Variants in DOCK4 observed in about 807,000 individuals in gnomAD.
The protein encoded by DOCK4 is dedicator of cytokinesis 4.
A neutral mutation model predicts 268.1 loss-of-function variants in DOCK4; 97 were observed. That is an observed-to-expected ratio of 0.36 (90% confidence interval 0.31 to 0.43). DOCK4 has a LOEUF of 0.43. Ranked by LOEUF, DOCK4 falls within the 20% of genes least tolerant of loss-of-function variation. The pLI is 1.00. For synonymous variants in DOCK4, 954 were observed against 887.2 expected (o/e 1.08, Z -1.34); for missense variants, 2,145 against 2,455.7 (o/e 0.87, Z 2.67).
At chr7:112,136,003 C>A (rs1814308863) in intron 1 of DOCK4, among the ~76,000 whole-genome samples, 1 of 152,116 alleles carries the variant, frequency 6.6e-6, no homozygotes, top group South Asian at 2.1e-4. Context: ...CCATCAAGAG[C>A]TAATCAGATT....
chr7:111,870,658 G>A (rs959954190), intron 20 of DOCK4, among the ~76,000 whole-genome samples: 3 of 152,130 alleles, frequency 2.0e-5, no homozygotes, highest in African/African-American at 7.2e-5. Flanking sequence ...ACCCAGCAAT[G>A]TTTCTCTGGG....
At chr7:111,892,708 A>G (rs1439391054) in intron 16 of DOCK4, among the ~76,000 whole-genome samples, 1 of 152,244 alleles carries the variant, frequency 6.6e-6, no homozygotes, top group Non-Finnish European at 1.5e-5. Context: ...CACAATGATC[A>G]GCAGGCTGTG....
intron 16 of DOCK4, 105 bp from the exon 17 acceptor site, chr7:111,877,291 A>T (rs1806979925): frequency 4.0e-6 from 4 of 1,000,368 alleles, no homozygotes. Flanking sequence ...AAACATTCCA[A>T]ACAGTATTAC....
chr7:111,808,262 A>T (rs1800823511), intron 30 of DOCK4: 1 of 152,480 alleles, frequency 6.6e-6, no homozygotes, highest in Non-Finnish European at 1.5e-5. Context: ...ATGCAACCAG[A>T]TCTGTACCAT....
At chr7:111,885,164 G>T (rs1284518904) in intron 16 of DOCK4, among the ~76,000 whole-genome samples, 3 of 152,206 alleles carry the variant, frequency 2.0e-5, no homozygotes, top group African/African-American at 7.2e-5. Flanking sequence ...CAACAGAATA[G>T]TGGTTGGGTG....
At chr7:111,840,116 T>C (rs922050567) in intron 25 of DOCK4, among the ~76,000 whole-genome samples, 8 of 152,226 alleles carry the variant, frequency 5.3e-5, no homozygotes, top group Non-Finnish European at 1.0e-4. Flanking sequence ...ATTTTATGTA[T>C]AGATTGAGTA....
At chr7:112,180,247 G>A (rs1818905385) in intron 1 of DOCK4, among the ~76,000 whole-genome samples, 3 of 152,088 alleles carry the variant, frequency 2.0e-5, no homozygotes, top group East Asian at 1.9e-4. Flanking sequence ...AGAAACCCCC[G>A]GCAGATGCAA....
intron 30 of DOCK4, chr7:111,801,850 G>C (rs73434255): frequency 0.078 from 11,560 of 147,954 alleles, 1,559 homozygotes; most frequent in African/African-American, 0.28. Context: ...TCAACACGCT[G>C]GGCTAATTTT....
chr7:111,919,114 CA>C, intron 12 of DOCK4, among the ~76,000 whole-genome samples: 1 of 140,400 alleles, frequency 7.1e-6, no homozygotes, highest in Admixed American at 7.4e-5. Context: ...TTAAAAAAAA[CA>C]AAAACAAAAC....
chr7:112,004,103 T>G lies in DOCK4; in HGVS notation c.66A>C (p.Pro22=), dbSNP rs1276339447. The change falls in exon 2 of 53, where the codon CCA becomes CCC. Residue 22 remains proline, a synonymous_variant. Coordinates refer to ENST00000428084, the MANE Select transcript of DOCK4 (RefSeq NM_001363540.2). ...CTCCAATTTCCAATGACAGGCCATA[T>G]GGAACGGTTCCTCGGAAACTGGCAA... is the stretch of plus-strand genomic sequence containing the variant. ...VVIASFRGTV[P]YGLSLEIGDT... is the part of the protein sequence containing the mutation. 1 of 1,599,942 alleles carries G rather than the reference T, an allele frequency of 6.3e-7. No individual in the cohort carries two copies.
At chr7:111,918,900 T>G (rs556327934) in intron 12 of DOCK4, among the ~76,000 whole-genome samples, 1 of 152,286 alleles carries the variant, frequency 6.6e-6, no homozygotes, top group South Asian at 2.1e-4. Flanking sequence ...GAAGATCATT[T>G]TACTGGGGCT....
At chr7:111,754,938 G>A (rs777959311) in intron 42 of DOCK4, among the ~76,000 whole-genome samples, 7 of 152,120 alleles carry the variant, frequency 4.6e-5, no homozygotes, top group Non-Finnish European at 1.0e-4. Context: ...ACTGTGCATC[G>A]GGCACTGTGC....
At position 111,872,062 on chromosome 7, in the gene DOCK4, C is replaced by T. The variant is rs868039642; in HGVS notation, c.1955G>A (p.Ser652Asn). The T allele has an allele frequency of 1.3e-6, 2 of 1,550,278 alleles. No homozygotes were observed. The highest frequency in any genetic ancestry group is 1.7e-6 in the Non-Finnish European group (2 of 1,147,426). Residue 652 changes from serine (S) to asparagine (N), a missense_variant, in exon 20 of 53, where the codon AGC becomes AAC. Physicochemically the swap from Ser to Asn is conservative, Grantham distance 46. Transcript: ENST00000428084. ...TACAGGTTTAAAATGATGAAATTTG[C>T]TATCTTGCAGCAAATTTATTATGTG... Reference protein sequence around the residue: ...LVHIINLLQDSKFHHFKPVMD... With the variant: ...LVHIINLLQDNKFHHFKPVMD...
intron 32 of DOCK4, among the ~76,000 whole-genome samples, chr7:111,787,124 G>C (rs1017204810): frequency 6.6e-6 from 1 of 152,070 alleles, no homozygotes; most frequent in Non-Finnish European, 1.5e-5. Context: ...AACTGAAATT[G>C]CATATTATCA....
At chr7:112,067,231 A>AC (rs987443540) in intron 1 of DOCK4, among the ~76,000 whole-genome samples, 48 of 149,878 alleles carry the variant, frequency 3.2e-4, no homozygotes, top group East Asian at 9.9e-4. Context: ...GAAAAAAAAA[A>AC]CACCTTTACT....
At chr7:111,834,523 T>C in intron 26 of DOCK4, 65 bp downstream of exon 26, 2 of 1,212,050 alleles carry the variant, frequency 1.7e-6, no homozygotes, top group Non-Finnish European at 2.3e-6. Context: ...ATCTCAACAG[T>C]GATGAATAAA....
intron 1 of DOCK4, among the ~76,000 whole-genome samples, chr7:112,144,066 C>T (rs1240555356): frequency 2.6e-5 from 4 of 152,102 alleles, no homozygotes; most frequent in African/African-American, 9.7e-5. Context: ...AGGGATGCTA[C>T]AATCTTTTGG....
Position 111,728,502 on chromosome 7 carries a change from C to T in DOCK4, c.5700G>A (p.Glu1900=). Residue 1900 remains glutamate, a synonymous_variant, in exon 53 of 53, where the codon GAG becomes GAA. Coordinates refer to ENST00000428084, the MANE Select transcript of DOCK4 (RefSeq NM_001363540.2). The part of the protein sequence containing the change: ...PVPVPSYGGE[E]PVRKESKTPP... Reference sequence around the variant, plus strand: ...GAGTCTTGCTCTCCTTGCGCACTGGCTCCTCCCCGCCGTAGCTCGGCACGG... The same window carrying T: ...GAGTCTTGCTCTCCTTGCGCACTGGTTCCTCCCCGCCGTAGCTCGGCACGG... 1 of 1,613,096 alleles carries T rather than the reference C, an allele frequency of 6.2e-7. No individual in the cohort carries two copies. Among genetic ancestry groups the T allele is most frequent in the Non-Finnish European group, 8.5e-7 (1 of 1,179,740 alleles).
intron 1 of DOCK4, among the ~76,000 whole-genome samples, chr7:112,083,775 T>C (rs1002190513): frequency 6.6e-6 from 1 of 152,152 alleles, no homozygotes; most frequent in Non-Finnish European, 1.5e-5. Context: ...CTACATATAG[T>C]ATGGAACCTT....
Sources: gnomAD v4.1 joint callset for allele counts (sites outside exome capture counted in the v4.1 genomes callset) on GRCh38, gnomAD v4.1.1 for gene constraint, MANE v1.5 for transcripts, NCBI Gene and HGNC (gene_info 2026-07-23, HGNC 2026-07-21) for gene names.